The following ZNF704 variants were observed in gnomAD, a reference collection of about 807,000 sequenced individuals.
ZNF704 encodes the protein zinc finger protein 704, also known as glucocorticoid induced gene 1.
Under a neutral mutation model 44.7 loss-of-function variants are expected in ZNF704, and 10 were observed. The observed-to-expected ratio is 0.22, with a 90% CI of 0.14 to 0.38. The LOEUF is 0.38. ZNF704 is among the 10% of genes least tolerant of loss of function. ZNF704 has a pLI of 1.00. For synonymous variants in ZNF704, 211 were observed against 207.6 expected, an observed-to-expected ratio of 1.02 and a Z score of -0.14; for missense variants, 390 against 545.5, an observed-to-expected ratio of 0.71 and a Z score of 2.84.
At chr8:80,877,994 G>A (rs1333859634), upstream of ZNF704, among the ~76,000 whole-genome samples, 12 of 152,238 alleles carry the variant, frequency 7.9e-5, no homozygotes, top group South Asian at 1.5e-3. Flanking sequence ...ATGAAAACTC[G>A]CAGCCCTGGA....
At chr8:80,776,350 A>ATG (rs1482411195) in intron 2 of ZNF704, among the ~76,000 whole-genome samples, 1 of 152,216 alleles carries the variant, frequency 6.6e-6, no homozygotes, top group Admixed American at 6.5e-5. Flanking sequence ...AAATAGGAGC[A>ATG]TGTCTGCACC....
At chr8:80,766,101 T>A (rs538184983) in intron 2 of ZNF704, among the ~76,000 whole-genome samples, 44 of 152,352 alleles carry the variant, frequency 2.9e-4, no homozygotes, top group African/African-American at 1.0e-3. Flanking sequence ...ATATGCTACT[T>A]CTTCTATTAA....
At chr8:80,796,356 A>G (rs879630791) in intron 2 of ZNF704, among the ~76,000 whole-genome samples, 4 of 152,182 alleles carry the variant, frequency 2.6e-5, no homozygotes, top group Non-Finnish European at 5.9e-5. Flanking sequence ...TCATTAACCC[A>G]TTAATCCACT....
intron 4 of ZNF704, among the ~76,000 whole-genome samples, chr8:80,673,625 G>A (rs146789437): frequency 9.7e-4 from 147 of 152,214 alleles, no homozygotes; most frequent in Middle Eastern, 3.4e-3. Context: ...TTTAGAAGAC[G>A]ACTCATCAGC....
chr8:80,815,400 A>C (rs1387548), intron 2 of ZNF704, among the ~76,000 whole-genome samples: 32,221 of 152,176 alleles, frequency 0.21, 4,755 homozygotes, highest in African/African-American at 0.42. Context: ...ATTGTAATTG[A>C]TGTTTGGGTG....
chr8:80,779,712 A>G (rs1807478538), intron 2 of ZNF704, among the ~76,000 whole-genome samples: 1 of 151,908 alleles, frequency 6.6e-6, no homozygotes, highest in Non-Finnish European at 1.5e-5. Context: ...TAGTTACACT[A>G]CTTCACTACT....
chr8:80,842,642 A>T (rs902824974), intron 1 of ZNF704, among the ~76,000 whole-genome samples: 19 of 152,184 alleles, frequency 1.2e-4, no homozygotes, highest in African/African-American at 3.9e-4. Flanking sequence ...CAAACCAGGA[A>T]GAGAGAATGA....
At chr8:80,822,611 G>A (rs1398809262) in intron 1 of ZNF704, among the ~76,000 whole-genome samples, 1 of 152,154 alleles carries the variant, frequency 6.6e-6, no homozygotes, top group Non-Finnish European at 1.5e-5. Flanking sequence ...AGATCCCTGA[G>A]GAATCGCCAC....
At chr8:80,713,701 C>G (rs543871116) in intron 2 of ZNF704, among the ~76,000 whole-genome samples, 1 of 148,088 alleles carries the variant, frequency 6.8e-6, no homozygotes, top group Non-Finnish European at 1.5e-5. Context: ...ACAGGTCATT[C>G]AGGGGAATCC....
chr8:80,881,422 C>G, the ZNF704 span, among the ~76,000 whole-genome samples: 3 of 152,100 alleles, frequency 2.0e-5, no homozygotes, highest in African/African-American at 7.2e-5. Context: ...CTATAAAATA[C>G]TTTTTTACAA....
chr8:80,874,408 C>G lies in ZNF704; in HGVS notation c.-22+163G>C, dbSNP rs1040781928. ...CGAGCCCGCGCGCGCCTCTCCCGGC[C>G]GGCTGCGCCCGCGCGCTCCGGGCCT... On this transcript the variant is annotated intron_variant, in intron 1 of 8. Transcript: ENST00000327835. This position sits in a 1 kb window ranked among gnomAD's most constrained non-coding sequence, Gnocchi z 4.4. Among the ~76,000 whole-genome samples, 7 of 148,540 alleles carry G rather than the reference C, an allele frequency of 4.7e-5. No homozygotes were observed. Among genetic ancestry groups the G allele is most frequent in the African/African-American group, 1.7e-4 (7 of 40,988 alleles).
chr8:80,745,635 A>G (rs1417450609), intron 2 of ZNF704, among the ~76,000 whole-genome samples: 1 of 152,236 alleles, frequency 6.6e-6, no homozygotes, highest in African/African-American at 2.4e-5. Context: ...GCTAGAAAAC[A>G]TGCATATCAC....
At chr8:80,857,237 A>G (rs1158356139) in intron 1 of ZNF704, among the ~76,000 whole-genome samples, 1 of 152,168 alleles carries the variant, frequency 6.6e-6, no homozygotes, top group Non-Finnish European at 1.5e-5. Flanking sequence ...TTCTTGCCTT[A>G]TCACACTGGC....
chr8:80,729,865 T>C lies in ZNF704; in HGVS notation c.222-36758A>G, dbSNP rs576020976. ...ATAACGAAATCTCACCCAAGGTGAA[T>C]AGAGTTTGATTACTGCCGGAACCCC... On this transcript the variant is annotated intron_variant, in intron 2 of 8. Coordinates refer to ENST00000327835, the MANE Select transcript of ZNF704 (RefSeq NM_001033723.3). 1.4e-4 allele frequency among the ~76,000 whole-genome samples: 21 copies of C among 152,276 alleles called. No homozygotes were observed. The South Asian group carries it at 4.4e-3, about 32-fold the overall frequency.
At chr8:80,823,542 C>T (rs566617615) in intron 1 of ZNF704, among the ~76,000 whole-genome samples, 6 of 152,326 alleles carry the variant, frequency 3.9e-5, no homozygotes, top group Non-Finnish European at 5.9e-5. Flanking sequence ...CAGACTTACA[C>T]GTCCCTGTCT....
chr8:80,832,718 A>C (rs896167491), intron 1 of ZNF704, among the ~76,000 whole-genome samples: 1 of 152,228 alleles, frequency 6.6e-6, no homozygotes, highest in African/African-American at 2.4e-5. Context: ...GGCCACAGCA[A>C]AAATCACTCT....
intron 6 of ZNF704, among the ~76,000 whole-genome samples, chr8:80,660,469 T>G (rs1329219760): frequency 8.6e-6 from 1 of 115,822 alleles, no homozygotes. Context: ...AAATCTTGTC[T>G]CAAAAAAAAA....
At chr8:80,745,455 G>A (rs1397459581) in intron 2 of ZNF704, among the ~76,000 whole-genome samples, 1 of 152,140 alleles carries the variant, frequency 6.6e-6, no homozygotes, top group Non-Finnish European at 1.5e-5. Flanking sequence ...GCTCTGAGGG[G>A]AAATTTAACT....
chr8:80,721,470 A>G (rs1161735347), intron 2 of ZNF704, among the ~76,000 whole-genome samples: 1 of 152,184 alleles, frequency 6.6e-6, no homozygotes, highest in Non-Finnish European at 1.5e-5. Flanking sequence ...ATTAAAATAT[A>G]TTGATATTTA....
Sources: allele counts gnomAD v4.1 joint callset (sites outside exome capture counted in the v4.1 genomes callset), GRCh38; gene constraint gnomAD v4.1.1; non-coding constraint Gnocchi (gnomAD v3.1); transcripts MANE v1.5; gene names NCBI Gene and HGNC (gene_info 2026-07-23, HGNC 2026-07-21).